The following UGGT1 variants were observed in gnomAD, a reference collection of about 807,000 sequenced individuals.
UGGT1 encodes UDP-glucose:glycoprotein glucosyltransferase 1.
A neutral mutation model predicts 203.9 loss-of-function variants in UGGT1; 107 were observed. That is an observed-to-expected ratio of 0.52 (90% CI 0.45 to 0.62). UGGT1 has a LOEUF of 0.62. Among genes scored for constraint, UGGT1 ranks in the 20% least tolerant of loss-of-function variants. The pLI, the probability that UGGT1 is intolerant of heterozygous loss-of-function variation, is 0.00. For synonymous variants in UGGT1, 628 were observed against 653.5 expected (o/e 0.96, Z 0.59); for missense variants, 1,673 against 1,867.2 (o/e 0.90, Z 1.92).
At chr2:128,173,971 G>A (rs201090745) in intron 30 of UGGT1, 32 bp downstream of exon 30, 75 of 1,604,346 alleles carry the variant, frequency 4.7e-5, no homozygotes, top group Non-Finnish European at 6.3e-5. Context: ...TAGTGATATT[G>A]TAGTTACGTT....
At position 128,189,792 on chromosome 2, in the gene UGGT1, A is replaced by G; in HGVS notation, c.*50A>G. On this transcript the variant is annotated 3_prime_UTR_variant, in exon 41 of 41. Transcript: ENST00000259253. ...CCCCATTTGAAAAACAGTTTTTATAATAAATGCTAGTTTTTTCTGATCTGT... is the reference window on the plus strand; with the variant it reads ...CCCCATTTGAAAAACAGTTTTTATAGTAAATGCTAGTTTTTTCTGATCTGT... 3 of 1,603,604 alleles carry G rather than the reference A, an allele frequency of 1.9e-6. No individual in the cohort carries two copies. Among genetic ancestry groups the G allele is most frequent in the Non-Finnish European group, 2.6e-6 (3 of 1,172,666 alleles).
rs778451206 is a variant in UGGT1 at position 128,120,407 on chromosome 2, T to G, written c.924T>G (p.Leu308=). 1.4e-5 allele frequency: 22 copies of G among 1,613,962 alleles called. No individual in the cohort carries two copies. The East Asian group carries it at 4.5e-4, about 33-fold the overall frequency. The stretch of plus-strand genomic sequence containing the variant: ...AGTTGAAAGAACTCAGAAAGCATCT[T>G]GTAGAGAGCACCAATGAAATGGCAC... The part of the protein sequence containing the change: ...EGQLKELRKH[L]VESTNEMAPL... The change falls in exon 9 of 41, where the codon CTT becomes CTG. Residue 308 remains leucine, a synonymous_variant. Transcript: ENST00000259253.
intron 10 of UGGT1, 39 bp downstream of exon 10, chr2:128,121,337 C>G: frequency 7.1e-7 from 1 of 1,413,416 alleles, no homozygotes; most frequent in Non-Finnish European, 9.7e-7. Context: ...ACATCATACC[C>G]AGTCATCGTC....
At chr2:128,120,232 C>G (rs1688312584) in intron 8 of UGGT1, 124 bp from the exon 9 acceptor site, 14 of 769,048 alleles carry the variant, frequency 1.8e-5, no homozygotes, top group Middle Eastern at 2.5e-4. Context: ...TTTTTTCCCC[C>G]TATGTCGTAG....
At chr2:128,150,090 T>C (rs1219476559) in intron 18 of UGGT1, among the ~76,000 whole-genome samples, 1 of 152,220 alleles carries the variant, frequency 6.6e-6, no homozygotes, top group Non-Finnish European at 1.5e-5. Flanking sequence ...CCTTTGTACA[T>C]TGTCTTGAAA....
At position 128,120,191 on chromosome 2, in the gene UGGT1, A is replaced by T. The variant is rs954392422; in HGVS notation, c.873-165A>T. 2.0e-5 allele frequency among the ~76,000 whole-genome samples: 3 copies of T among 151,696 alleles called. No individual in the cohort carries two copies. The highest frequency in any genetic ancestry group is 4.4e-5 in the Non-Finnish European group (3 of 67,912). ...GTTTTAAACTAGCTTCTAATTTTCT[A>T]TTTTTTTTAAAGAGGAATAATTATA... On this transcript the variant is annotated intron_variant, in intron 8 of 40. Coordinates refer to ENST00000259253, the MANE Select transcript of UGGT1 (RefSeq NM_020120.4).
intron 6 of UGGT1, among the ~76,000 whole-genome samples, chr2:128,114,729 C>T (rs1688021930): frequency 6.6e-6 from 1 of 152,132 alleles, no homozygotes; most frequent in Admixed American, 6.5e-5. Flanking sequence ...TGGTTGGGAC[C>T]ATAGCACTTT....
intron 7 of UGGT1, among the ~76,000 whole-genome samples, chr2:128,115,552 C>T (rs1035366859): frequency 2.0e-5 from 3 of 147,732 alleles, no homozygotes; most frequent in African/African-American, 7.5e-5. Context: ...TGCCCAAAAA[C>T]GTTCAGCAAG....
At chr2:128,186,329 G>A (rs1691980325) in intron 38 of UGGT1, among the ~76,000 whole-genome samples, 1 of 152,232 alleles carries the variant, frequency 6.6e-6, no homozygotes, top group African/African-American at 2.4e-5. Flanking sequence ...CGAACTGGCT[G>A]GGTGCAGTGG....
chr2:128,159,543 G>T lies in UGGT1; in HGVS notation c.2385G>T (p.Met795Ile), dbSNP rs762046225. Residue 795 changes from methionine to isoleucine, a missense_variant, in exon 23 of 41, where the codon ATG becomes ATT. By Grantham distance (10) the Met-to-Ile change is conservative. Around this residue, in one of 4 missense-constraint regions of UGGT1, gnomAD observed 1,073 missense variants for 1,078.7 expected, o/e 0.99. Transcript: ENST00000259253. The part of the protein sequence containing the change: ...QKSSNNVRIS[M>I]INNPAKEISY... Reference sequence around the variant, plus strand: ...CCAGTAACAATGTTAGAATAAGCATGATCAATAATCCTGCCAAAGAGATAA... The same window carrying T: ...CCAGTAACAATGTTAGAATAAGCATTATCAATAATCCTGCCAAAGAGATAA... The T allele has an allele frequency of 3.1e-6, 5 of 1,614,040 alleles. No homozygotes were observed. The South Asian group carries it at 5.5e-5, about 18-fold the overall frequency.
chr2:128,118,931 A>T (rs1442447731), intron 8 of UGGT1, among the ~76,000 whole-genome samples: 1 of 152,064 alleles, frequency 6.6e-6, no homozygotes, highest in Non-Finnish European at 1.5e-5. Context: ...TGGCCTCCCA[A>T]AGTGCTAGGA....
rs1692311590 is a variant in UGGT1, at chr2:128,192,426, G to T, written c.*2684G>T. 6.6e-6 allele frequency: 1 copy of T among 152,190 alleles called. No individual in the cohort carries two copies. The allele number at this position is 152,190 out of a possible 1,614,324, so 9.4% of individuals were successfully genotyped here. A position where few individuals can be genotyped will look rare whatever the true frequency, so the allele number is the denominator to read the frequency against. On this transcript the variant is annotated 3_prime_UTR_variant, in exon 41 of 41. Coordinates refer to ENST00000259253, the MANE Select transcript of UGGT1 (RefSeq NM_020120.4). ...TTTTCCCAAGAAGTAAGAATTGATT[G>T]TGCTGAATGTTCAAACTCTGGAAAC...
Position 128,157,248 on chromosome 2 carries a change from A to G in UGGT1, c.2261-4A>G. ...CTCAATTAGCTGTTTTTGTTTTTCTACAGATGATTCTTTTATTAGGCCAGT... is the reference window on the plus strand; with the variant it reads ...CTCAATTAGCTGTTTTTGTTTTTCTGCAGATGATTCTTTTATTAGGCCAGT... On this transcript the variant is annotated splice_polypyrimidine_tract_variant and splice_region_variant and intron_variant, in intron 21 of 40. Transcript: ENST00000259253. 1 of 1,612,456 alleles carries G rather than the reference A, an allele frequency of 6.2e-7. No individual in the cohort carries two copies. Among genetic ancestry groups the G allele is most frequent in the Non-Finnish European group, 8.5e-7 (1 of 1,178,652 alleles).
intron 13 of UGGT1, among the ~76,000 whole-genome samples, chr2:128,131,233 C>CAAAAAAA (rs59665322): frequency 1.3e-5 from 1 of 78,556 alleles, no homozygotes; most frequent in Non-Finnish European, 2.4e-5. Context: ...ACTCTTGTCT[C>CAAAAAAA]AAAAAAAAAA....
At chr2:128,106,374 A>T (rs1346033706) in intron 3 of UGGT1, among the ~76,000 whole-genome samples, 3 of 152,134 alleles carry the variant, frequency 2.0e-5, no homozygotes, top group East Asian at 3.8e-4. Flanking sequence ...CATGTTAAAC[A>T]TTTTATTTGT....
At chr2:128,174,449 C>A (rs1299657057) in intron 30 of UGGT1, among the ~76,000 whole-genome samples, 1 of 151,932 alleles carries the variant, frequency 6.6e-6, no homozygotes, top group African/African-American at 2.4e-5. Context: ...CGGGCACCCA[C>A]CACCATGCCC....
At chr2:128,101,544 T>C (rs1427174902) in intron 2 of UGGT1, among the ~76,000 whole-genome samples, 2 of 152,246 alleles carry the variant, frequency 1.3e-5, no homozygotes, top group Admixed American at 1.3e-4. Flanking sequence ...AATAATCATT[T>C]ACTGAGTGCT....
rs1404156493 is a variant in UGGT1, at chr2:128,178,478, G to A, written c.3724G>A (p.Gly1242Arg). The A allele has an allele frequency of 1.2e-6, 2 of 1,613,618 alleles. No homozygotes were observed. Among genetic ancestry groups the A allele is most frequent in the Admixed American group, 3.3e-5 (2 of 59,956 alleles). The part of the protein sequence containing the change: ...FWDSFKWGFT[G>R]QKTEEVKQDK... ...CCCTTATTGTTATAGGGGCTTTACA[G>A]GACAGAAGACTGAGGAAGTGAAGCA... is the stretch of plus-strand genomic sequence containing the variant. The change falls in exon 34 of 41, where the codon GGA becomes AGA. Residue 1242 changes from glycine to arginine, a missense_variant. Physicochemically the swap from Gly to Arg is moderately radical, Grantham distance 125 (BLOSUM62 -2). Coordinates refer to ENST00000259253, the MANE Select transcript of UGGT1 (RefSeq NM_020120.4).
In UGGT1 at chr2:128,177,804, G is replaced by A. The variant is rs375877408; in HGVS notation, c.3625-28G>A. The A allele has an allele frequency of 3.5e-5, 55 of 1,574,146 alleles. No individual in the cohort carries two copies. In the African/African-American group the frequency reaches 7.2e-4, roughly 21 times the overall value. ...GTTTTATGCCTGTGAGACATACTGGGAGTAAGGTTTATCACATTTGATTGC... is the reference window on the plus strand; with the variant it reads ...GTTTTATGCCTGTGAGACATACTGGAAGTAAGGTTTATCACATTTGATTGC... On this transcript the variant is annotated intron_variant, in intron 32 of 40. Transcript: ENST00000259253.
Sources: allele counts gnomAD v4.1 joint callset (sites outside exome capture counted in the v4.1 genomes callset), GRCh38; gene constraint gnomAD v4.1.1; regional missense constraint gnomAD v4.1.1; transcripts MANE v1.5; gene names NCBI Gene and HGNC (gene_info 2026-07-23, HGNC 2026-07-21).